The following DPP6 variants were observed in gnomAD, a reference collection of about 807,000 sequenced individuals.
DPP6 encodes dipeptidyl peptidase like 6.
In DPP6, 69 loss-of-function variants were observed where a neutral mutation model predicts 122.6. The ratio of observed to expected loss-of-function variants is 0.56; its 90% CI spans 0.46 to 0.69. The LOEUF is 0.69. Ranked by LOEUF, DPP6 falls within the 30% of genes least tolerant of loss-of-function variation. DPP6 has a pLI of 0.00. For missense variants in DPP6, 928 were observed against 1,116.9 expected (o/e 0.83, Z 2.41); for synonymous variants, 418 against 433.1 (o/e 0.97, Z 0.43).
chr7:154,092,145 C>G (rs1291550123), intron 1 of DPP6: 1 of 152,130 alleles, frequency 6.6e-6, no homozygotes, highest in Non-Finnish European at 1.5e-5. Flanking sequence ...ATTTAGAAAA[C>G]AGTTGCAAAA....
upstream of DPP6, among the ~76,000 whole-genome samples, chr7:154,051,116 G>C (rs1860505): frequency 0.52 from 62,201 of 119,882 alleles, 24,146 homozygotes; most frequent in African/African-American, 0.76. Context: ...GGCAGCCGAG[G>C]CTGTTATTTT....
chr7:153,843,280 G>A, the DPP6 span, among the ~76,000 whole-genome samples: 11,130 of 113,342 alleles, frequency 0.098, 794 homozygotes, highest in African/African-American at 0.21. Context: ...ATGCGCGCGC[G>A]CACACACACA....
At chr7:154,292,739 G>C (rs1462517800) in intron 1 of DPP6, among the ~76,000 whole-genome samples, 1 of 151,994 alleles carries the variant, frequency 6.6e-6, no homozygotes, top group East Asian at 1.9e-4. Flanking sequence ...TCTCGTTTTT[G>C]ATTTCCTAGG....
rs988205307 is a variant in DPP6 at position 154,287,091 on chromosome 7, G to A, written c.244-159123G>A. On this transcript the variant is annotated intron_variant, in intron 1 of 25. Transcript: ENST00000377770. ...GCTGGGATTACAGGTGTGAGCCACC[G>A]TGCCTGGCCTATGCCTGTGATTGCT... Among the ~76,000 whole-genome samples the A allele has an allele frequency of 5.3e-5, 8 of 152,290 alleles. 1 individual carries two copies. Among genetic ancestry groups the A allele is most frequent in the African/African-American group, 9.6e-5 (4 of 41,568 alleles).
intron 5 of DPP6, among the ~76,000 whole-genome samples, chr7:154,574,812 GATGTGTTT>G (rs1831415883): frequency 9.0e-6 from 1 of 111,222 alleles, no homozygotes; most frequent in African/African-American, 3.6e-5. Context: ...TTGTGTGTGT[GATGTGTTT>G]GTGTGGTGTG....
chr7:154,004,894 A>G (rs1220291172), intron 1 of DPP6, among the ~76,000 whole-genome samples: 3 of 152,232 alleles, frequency 2.0e-5, no homozygotes, highest in Admixed American at 1.3e-4. Flanking sequence ...CATTTCTCCT[A>G]ATATATGCTG....
chr7:154,276,063 G>T (rs1260608097), intron 1 of DPP6, among the ~76,000 whole-genome samples: 3 of 152,192 alleles, frequency 2.0e-5, no homozygotes, highest in African/African-American at 4.8e-5. Flanking sequence ...GAAGAGTGAG[G>T]CCAGCACTCC....
intron 5 of DPP6, among the ~76,000 whole-genome samples, chr7:154,585,933 T>A (rs1401289279): frequency 6.6e-6 from 1 of 151,892 alleles, no homozygotes; most frequent in Non-Finnish European, 1.5e-5. Flanking sequence ...AAGTCAGTCA[T>A]GAGCATGGGA....
At chr7:154,253,357 G>A (rs569654108) in intron 1 of DPP6, among the ~76,000 whole-genome samples, 23 of 152,296 alleles carry the variant, frequency 1.5e-4, no homozygotes, top group South Asian at 4.1e-4. Flanking sequence ...AGGTGTGGGG[G>A]GTGAGGGGAC....
At chr7:154,885,527 A>C in intron 21 of DPP6, 106 bp from the exon 22 acceptor site, 21 of 1,421,078 alleles carry the variant, frequency 1.5e-5, no homozygotes, top group Non-Finnish European at 2.0e-5. Flanking sequence ...AAAAGGAGAG[A>C]ACCTGCATGG....
At chr7:154,208,119 C>T (rs1478377251) in intron 1 of DPP6, among the ~76,000 whole-genome samples, 2 of 152,178 alleles carry the variant, frequency 1.3e-5, no homozygotes, top group African/African-American at 2.4e-5. Context: ...TAAACAACCT[C>T]TATAAGTGTT....
chr7:153,825,156 T>C, the DPP6 span, among the ~76,000 whole-genome samples: 2 of 152,216 alleles, frequency 1.3e-5, no homozygotes, highest in African/African-American at 2.4e-5. Context: ...AATTTCTTGA[T>C]ACTCCTATCT....
intron 1 of DPP6, among the ~76,000 whole-genome samples, chr7:154,029,859 A>G (rs1563114942): frequency 1.3e-5 from 2 of 149,986 alleles, no homozygotes; most frequent in East Asian, 2.0e-4. Context: ...AAAAAAAAGT[A>G]AAGAAAAAAG....
In DPP6 at chr7:154,590,259, C is replaced by T. The variant is rs952395028; in HGVS notation, c.627+23343C>T. Among the ~76,000 whole-genome samples, 34 of 152,126 alleles carry T rather than the reference C, an allele frequency of 2.2e-4. 1 individual carries two copies. The highest frequency in any genetic ancestry group is 8.2e-4 in the African/African-American group (34 of 41,434). On this transcript the variant is annotated intron_variant, in intron 5 of 25. Coordinates refer to ENST00000377770, the MANE Select transcript of DPP6 (RefSeq NM_130797.4). ...TCTAGCCGTTTCAATCCCAAGAAAG[C>T]ACCTTGGGGTAGAGATGATGCAAAA...
chr7:154,665,745 T>C (rs991826788), intron 6 of DPP6, among the ~76,000 whole-genome samples: 1 of 152,160 alleles, frequency 6.6e-6, no homozygotes, highest in Admixed American at 6.6e-5. Context: ...CACATATCTA[T>C]ATTTTGGATC....
chr7:153,814,434 A>G, the DPP6 span, among the ~76,000 whole-genome samples: 1 of 152,164 alleles, frequency 6.6e-6, no homozygotes, highest in East Asian at 1.9e-4. Flanking sequence ...TGAATACACC[A>G]ATAACAGGCT....
the DPP6 span, among the ~76,000 whole-genome samples, chr7:153,864,742 C>A: frequency 6.7e-6 from 1 of 149,550 alleles, no homozygotes; most frequent in Admixed American, 6.7e-5. Context: ...GAACTTTTAA[C>A]AGGGAAAATA....
At chr7:154,252,791 G>A (rs780592622) in intron 1 of DPP6, among the ~76,000 whole-genome samples, 3 of 152,208 alleles carry the variant, frequency 2.0e-5, no homozygotes, top group Non-Finnish European at 4.4e-5. Flanking sequence ...TGCCCCATGG[G>A]CAGAGTCAAC....
chr7:153,908,663 C>T (rs144594770), intron 1 of DPP6, among the ~76,000 whole-genome samples: 148 of 152,254 alleles, frequency 9.7e-4, no homozygotes, highest in African/African-American at 3.1e-3. Flanking sequence ...TTTCATTATA[C>T]GATTCCTTAT....
Sources: gnomAD v4.1 joint callset for allele counts (sites outside exome capture counted in the v4.1 genomes callset) on GRCh38, gnomAD v4.1.1 for gene constraint, MANE v1.5 for transcripts, NCBI Gene and HGNC (gene_info 2026-07-23, HGNC 2026-07-21) for gene names.